The following PATJ variants were observed in gnomAD, a reference collection of about 807,000 sequenced individuals.
PATJ encodes inaD-like protein.
In PATJ, 190 loss-of-function variants were observed where a neutral mutation model predicts 224.9. The ratio of observed to expected loss-of-function variants is 0.84; its 90% CI spans 0.75 to 0.95. The LOEUF (loss-of-function observed/expected upper bound fraction) is 0.95. Among genes scored for constraint, PATJ ranks in the 40% least tolerant of loss-of-function variants. PATJ has a pLI of 0.00. For missense variants in PATJ, 2,121 were observed against 2,270.3 expected (o/e 0.93, Z 1.34); for synonymous variants, 769 against 820.3 (o/e 0.94, Z 1.07).
chr1:62,102,484 A>C (rs1558170089), intron 33 of PATJ, among the ~76,000 whole-genome samples: 1 of 152,232 alleles, frequency 6.6e-6, no homozygotes, highest in Non-Finnish European at 1.5e-5. Context: ...CTTAGAAAAA[A>C]ATCATTAAGT....
intron 21 of PATJ, among the ~76,000 whole-genome samples, chr1:61,883,150 G>A (rs1668331118): frequency 6.6e-6 from 1 of 152,120 alleles, no homozygotes; most frequent in African/African-American, 2.4e-5. Flanking sequence ...GAAAATACTA[G>A]CCTTTAATTT....
At chr1:62,101,269 T>C (rs149098304) in intron 33 of PATJ, among the ~76,000 whole-genome samples, 4,578 of 148,798 alleles carry the variant, frequency 0.031, 145 homozygotes, top group African/African-American at 0.078. Context: ...CTTTTTTTTT[T>C]TTTTTTTTTT....
At chr1:61,898,326 G>C (rs564883811) in intron 22 of PATJ, among the ~76,000 whole-genome samples, 1 of 152,136 alleles carries the variant, frequency 6.6e-6, no homozygotes, top group South Asian at 2.1e-4. Flanking sequence ...CTACAGCCTT[G>C]AACTCCTGGT....
intron 27 of PATJ, among the ~76,000 whole-genome samples, chr1:61,979,129 C>T (rs1050286125): frequency 6.6e-6 from 1 of 152,076 alleles, no homozygotes; most frequent in African/African-American, 2.4e-5. Context: ...ACTGTTCTCT[C>T]TCCAATTATT....
chr1:61,857,159 G>A (rs1663823562), intron 18 of PATJ, among the ~76,000 whole-genome samples: 2 of 152,020 alleles, frequency 1.3e-5, no homozygotes, highest in African/African-American at 4.8e-5. Flanking sequence ...CAGTTATGGT[G>A]CTCTGGAGGC....
chr1:62,106,080 A>ATATACG (rs1662915355), intron 33 of PATJ, among the ~76,000 whole-genome samples: 2 of 10,860 alleles, frequency 1.8e-4, no homozygotes, highest in African/African-American at 2.5e-4. Flanking sequence ...ATATATATAT[A>ATATACG]CACACACACA....
chr1:61,940,465 C>A (rs1342357637), intron 27 of PATJ, among the ~76,000 whole-genome samples: 7 of 151,940 alleles, frequency 4.6e-5, no homozygotes, highest in Non-Finnish European at 1.0e-4. Context: ...GCCAGTAATC[C>A]CAGCACTTTG....
intron 31 of PATJ, among the ~76,000 whole-genome samples, chr1:62,079,177 G>A (rs563696850): frequency 3.9e-5 from 6 of 152,204 alleles, no homozygotes; most frequent in Non-Finnish European, 7.4e-5. Context: ...CCAGCTTCAT[G>A]TACAGATCAC....
intron 28 of PATJ, among the ~76,000 whole-genome samples, chr1:62,001,138 T>A (rs1645743250): frequency 6.6e-6 from 1 of 151,480 alleles, no homozygotes; most frequent in Admixed American, 6.6e-5. Flanking sequence ...ATTTTGTAGG[T>A]TGCCTGTTCA....
At chr1:61,765,479 A>C (rs1051926039) in intron 3 of PATJ, among the ~76,000 whole-genome samples, 1 of 151,124 alleles carries the variant, frequency 6.6e-6, no homozygotes, top group African/African-American at 2.4e-5. Flanking sequence ...CACCTGCGGG[A>C]TTCAAGCAAT....
At chr1:61,775,454 A>G in intron 7 of PATJ, 120 bp downstream of exon 7, 1 of 813,872 alleles carries the variant, frequency 1.2e-6, no homozygotes, top group Non-Finnish European at 1.9e-6. Flanking sequence ...ATTTAAGTAT[A>G]GCTTAAAAAT....
chr1:61,747,005 A>G (rs1252649485), intron 1 of PATJ, among the ~76,000 whole-genome samples: 1 of 152,182 alleles, frequency 6.6e-6, no homozygotes, highest in East Asian at 1.9e-4. Context: ...TTATCCTTAC[A>G]CTGAGGAGCC....
intron 14 of PATJ, among the ~76,000 whole-genome samples, 199 bp from the exon 15 acceptor site, chr1:61,822,746 G>A (rs1365346613): frequency 6.6e-6 from 1 of 152,200 alleles, no homozygotes; most frequent in African/African-American, 2.4e-5. Context: ...AATCCGGAAG[G>A]AAAAGAGGAG....
intron 11 of PATJ, among the ~76,000 whole-genome samples, chr1:61,801,320 C>T (rs904346667): frequency 2.6e-5 from 4 of 152,190 alleles, no homozygotes; most frequent in Non-Finnish European, 4.4e-5. Context: ...TTGCATTTCT[C>T]TGATGGCCAG....
intron 17 of PATJ, among the ~76,000 whole-genome samples, chr1:61,840,759 A>G (rs547203003): frequency 6.6e-6 from 1 of 152,146 alleles, no homozygotes; most frequent in East Asian, 1.9e-4. Flanking sequence ...AAATCTTGTA[A>G]TAGGTAGGTG....
chr1:61,986,740 G>C (rs1221555599), intron 27 of PATJ, among the ~76,000 whole-genome samples: 3 of 151,984 alleles, frequency 2.0e-5, no homozygotes, highest in African/African-American at 7.2e-5. Context: ...ATTTTTTCTC[G>C]TTAAGTTTTT....
At chr1:62,114,888 T>C (rs1430652364) in intron 35 of PATJ, 2 of 136,420 alleles carry the variant, frequency 1.5e-5, no homozygotes, top group Non-Finnish European at 3.2e-5. Flanking sequence ...TTGGGAAACA[T>C]AACAAGACCC....
At chr1:61,944,701 A>G (rs895750775) in intron 27 of PATJ, among the ~76,000 whole-genome samples, 6 of 152,226 alleles carry the variant, frequency 3.9e-5, no homozygotes, top group Admixed American at 6.5e-5. Flanking sequence ...GCAGGCCAAC[A>G]TTCAAATTCA....
At position 62,036,871 on chromosome 1, in the gene PATJ, C is replaced by CAAAAAAAAAAAAAAAAAAAA. The variant is rs55761910; in HGVS notation, c.3960-1096_3960-1095insAAAAAAAAAAAAAAAAAAAA. ...TTGGTGACAAAGTGAGACTCCATCTCAAAAAAAAAAGAAGGAAGAAAGGAA... is the reference window on the plus strand; with the variant it reads ...TTGGTGACAAAGTGAGACTCCATCTCAAAAAAAAAAAAAAAAAAAAAAAAAAAAAAGAAGGAAGAAAGGAA... On this transcript the variant is annotated intron_variant, in intron 29 of 43. Coordinates refer to ENST00000642238, the MANE Select transcript of PATJ (RefSeq NM_001350145.3). Among the ~76,000 whole-genome samples the CAAAAAAAAAAAAAAAAAAAA allele has an allele frequency of 7.1e-3, 481 of 67,304 alleles. 36 individuals are homozygous for CAAAAAAAAAAAAAAAAAAAA. Among genetic ancestry groups the CAAAAAAAAAAAAAAAAAAAA allele is most frequent in the African/African-American group, 0.025 (439 of 17,892 alleles). 44.2% of individuals were successfully genotyped at this position (67,304 alleles called of 152,430 possible).
Sources: allele counts gnomAD v4.1 joint callset (sites outside exome capture counted in the v4.1 genomes callset), GRCh38; gene constraint gnomAD v4.1.1; transcripts MANE v1.5; gene names NCBI Gene and HGNC (gene_info 2026-07-23, HGNC 2026-07-21).